Variants in FKBP15 observed in about 807,000 individuals in gnomAD.
The protein encoded by FKBP15 is FKBP prolyl isomerase family member 15.
Under a neutral mutation model 158.1 loss-of-function variants are expected in FKBP15, and 106 were observed. The ratio of observed to expected loss-of-function variants is 0.67; its 90% CI spans 0.57 to 0.79. The LOEUF is 0.79. Ranked by LOEUF, FKBP15 falls within the 30% of genes least tolerant of loss-of-function variation. The probability of loss-of-function intolerance (pLI) is 0.00; values close to 1 mark genes in which losing one functional copy is unlikely to be tolerated. For missense variants in FKBP15, 1,287 were observed against 1,479.1 expected (o/e 0.87, Z 2.13); for synonymous variants, 547 against 548.6 (o/e 1.00, Z 0.04).
chr9:113,193,193 T>A (rs183052990), intron 11 of FKBP15, among the ~76,000 whole-genome samples: 3 of 152,322 alleles, frequency 2.0e-5, no homozygotes, highest in African/African-American at 7.2e-5. Context: ...GAGGCTAACT[T>A]ACACTGACTC....
intron 24 of FKBP15, 123 bp from the exon 25 acceptor site, chr9:113,170,752 G>A: frequency 2.8e-6 from 2 of 725,742 alleles, no homozygotes; most frequent in Non-Finnish European, 4.9e-6. Context: ...GATACTGCTG[G>A]TCATAAGCAG....
intron 2 of FKBP15, among the ~76,000 whole-genome samples, chr9:113,208,318 T>G (rs1407936178): frequency 1.3e-5 from 2 of 151,558 alleles, no homozygotes; most frequent in Non-Finnish European, 2.9e-5. Flanking sequence ...GCCTGGGTGA[T>G]GGAATGAGAC....
chr9:113,169,886 A>G lies in FKBP15; in HGVS notation c.2823T>C (p.Ser941=). Residue 941 remains serine, a synonymous_variant, in exon 26 of 28, where the codon AGT becomes AGC. Coordinates refer to ENST00000238256, the MANE Select transcript of FKBP15 (RefSeq NM_015258.2). ...CTTCTGCTTTTTCTTCTTCTTCTTC[A>G]CTGCTGCTCTCTTCCTTCTCTTGCT... is the stretch of plus-strand genomic sequence containing the variant. ...QQEQEKEESS[S]EEEEEKAEER... 6.6e-7 allele frequency: 1 copy of G among 1,504,672 alleles called. No homozygotes were observed. Among genetic ancestry groups the G allele is most frequent in the Non-Finnish European group, 9.0e-7 (1 of 1,111,288 alleles). 93.2% of individuals were successfully genotyped at this position (1,504,672 alleles called of 1,614,324 possible).
rs2118895922 is a variant in FKBP15 at position 113,187,818 on chromosome 9, A to G, written c.1358T>C (p.Val453Ala). The G allele has an allele frequency of 1.2e-6, 2 of 1,613,904 alleles. No individual in the cohort carries two copies. The highest frequency in any genetic ancestry group is 1.7e-6 in the Non-Finnish European group (2 of 1,179,768). ...CTGAAAGGATTGGGCATTTCCAGAT[A>G]CAGCTGAGTGGGAATCGAGAGATGA... ...QVSSLDSHSA[V>A]SGNAQSFQPY... Residue 453 changes from valine (V) to alanine (A), a missense_variant, in exon 14 of 28, where the codon GTA becomes GCA. By Grantham distance (64) the Val-to-Ala change is moderately conservative. Coordinates refer to ENST00000238256, the MANE Select transcript of FKBP15 (RefSeq NM_015258.2).
intron 23 of FKBP15, 82 bp downstream of exon 23, chr9:113,173,371 A>G: frequency 1.4e-6 from 2 of 1,457,166 alleles, no homozygotes; most frequent in Non-Finnish European, 1.9e-6. Context: ...TCAGGCTTAG[A>G]AGGATCGACA....
chr9:113,190,361 C>T, intron 12 of FKBP15, 110 bp downstream of exon 12: 4 of 870,148 alleles, frequency 4.6e-6, no homozygotes, highest in Non-Finnish European at 7.3e-6. Context: ...CATATTAGCT[C>T]TCTAAATAAT....
At chr9:113,214,729 TA>T (rs1831083721) in intron 1 of FKBP15, among the ~76,000 whole-genome samples, 1 of 152,268 alleles carries the variant, frequency 6.6e-6, no homozygotes, top group African/African-American at 2.4e-5. Context: ...ATGAAAGTCC[TA>T]GATCTTCTTC....
intron 4 of FKBP15, among the ~76,000 whole-genome samples, chr9:113,204,271 G>A (rs1440347099): frequency 1.3e-5 from 2 of 152,120 alleles, no homozygotes; most frequent in Admixed American, 1.3e-4. Context: ...GTAGACACGG[G>A]GTTTCTCCAT....
chr9:113,193,637 T>C, intron 10 of FKBP15, 88 bp from the exon 11 acceptor site: 2 of 1,090,968 alleles, frequency 1.8e-6, no homozygotes, highest in South Asian at 1.3e-5. Flanking sequence ...ATTGTTTTTT[T>C]AAATGTGTGC....
chr9:113,189,708 A>G (rs868422838), intron 12 of FKBP15, among the ~76,000 whole-genome samples: 7 of 152,316 alleles, frequency 4.6e-5, no homozygotes, highest in African/African-American at 1.7e-4. Flanking sequence ...GTTTTCTATC[A>G]AAGTAAAAGA....
In FKBP15 at chr9:113,186,291, G is replaced by A. The variant is rs1444722820; in HGVS notation, c.1456C>T (p.Pro486Ser). 6.4e-7 allele frequency: 1 copy of A among 1,570,576 alleles called. No individual in the cohort carries two copies. Among genetic ancestry groups the A allele is most frequent in the African/African-American group, 1.3e-5 (1 of 74,154 alleles). ...TGAGAGAGCGGTGCTGGGTACAAAG[G>A]CCGAACGGGCTGCAGCTGGGAGGTG... is the stretch of plus-strand genomic sequence containing the variant. ...AVTSQLQPVR[P>S]LYPAPLSQPP... Residue 486 changes from proline to serine, a missense_variant, in exon 15 of 28, where the codon CCT becomes TCT. Transcript: ENST00000238256.
Position 113,169,471 on chromosome 9 carries a change from C to T in FKBP15, c.3238G>A (p.Val1080Ile). The T allele has an allele frequency of 6.2e-7, 1 of 1,614,050 alleles. No homozygotes were observed. Among genetic ancestry groups the T allele is most frequent in the Admixed American group, 1.7e-5 (1 of 60,038 alleles). Residue 1080 changes from valine (V) to isoleucine (I), a missense_variant, in exon 26 of 28, where the codon GTC (valine) becomes ATC (isoleucine). Transcript: ENST00000238256. Reference protein sequence around the residue: ...KPDNPSGKVCVREVAPDGPLQ... With the variant: ...KPDNPSGKVCIREVAPDGPLQ... Reference sequence around the variant, plus strand: ...GGGCCATCTGGTGCTACTTCCCTGACACAGACCTTTCCTGATGGGTTGTCG... The same window carrying T: ...GGGCCATCTGGTGCTACTTCCCTGATACAGACCTTTCCTGATGGGTTGTCG...
chr9:113,215,023 T>C (rs948310507), intron 1 of FKBP15, among the ~76,000 whole-genome samples: 1 of 152,250 alleles, frequency 6.6e-6, no homozygotes, highest in Non-Finnish European at 1.5e-5. Flanking sequence ...TTAAGGAAAT[T>C]TGTGACTGGT....
chr9:113,184,235 A>G lies in FKBP15; in HGVS notation c.1716+57T>C. 1 of 1,216,590 alleles carries G rather than the reference A, an allele frequency of 8.2e-7. No homozygotes were observed. Among genetic ancestry groups the G allele is most frequent in the South Asian group, 1.3e-5 (1 of 76,964 alleles). 75.4% of individuals were successfully genotyped at this position (1,216,590 alleles called of 1,614,324 possible). A position where few individuals can be genotyped will look rare whatever the true frequency, so the allele number is the denominator to read the frequency against. ...GAGGTGTTAAAGAGTAGTACCTCTG[A>G]GAAGAGAGGATGGGTAAGACCTTCA... On this transcript the variant is annotated intron_variant, in intron 17 of 27. Coordinates refer to ENST00000238256, the MANE Select transcript of FKBP15 (RefSeq NM_015258.2). This position sits in a 1 kb window ranked among gnomAD's most constrained non-coding sequence, Gnocchi z 4.5.
At chr9:113,205,132 T>G (rs1022071304) in intron 4 of FKBP15, among the ~76,000 whole-genome samples, 14 of 152,184 alleles carry the variant, frequency 9.2e-5, no homozygotes, top group Admixed American at 9.2e-4. Context: ...TGGTAATGGA[T>G]TCTCAGATAA....
In FKBP15 at chr9:113,173,521, G is replaced by T; in HGVS notation, c.2464C>A (p.Gln822Lys). Residue 822 changes from glutamine (Q) to lysine (K), a missense_variant, in exon 23 of 28, where the codon CAG (glutamine) becomes AAG (lysine). Gln to Lys is a moderately conservative substitution (Grantham distance 53). Coordinates refer to ENST00000238256, the MANE Select transcript of FKBP15 (RefSeq NM_015258.2). Reference sequence around the variant, plus strand: ...TGTGCGCACACCTCCTGGTACTGCTGCAGGTGCTCATCCTTGGCGGAGGCC... The same window carrying T: ...TGTGCGCACACCTCCTGGTACTGCTTCAGGTGCTCATCCTTGGCGGAGGCC... ...LLASAKDEHL[Q>K]QYQEVCAQRD... is the part of the protein sequence containing the mutation. The T allele has an allele frequency of 6.2e-7, 1 of 1,613,972 alleles. No individual in the cohort carries two copies. Among genetic ancestry groups the T allele is most frequent in the Non-Finnish European group, 8.5e-7 (1 of 1,179,890 alleles).
chr9:113,217,996 A>G (rs375298921), intron 1 of FKBP15, among the ~76,000 whole-genome samples: 1 of 152,296 alleles, frequency 6.6e-6, no homozygotes, highest in East Asian at 1.9e-4. Context: ...AAGTCATGAC[A>G]GAATTAACTA....
At position 113,187,856 on chromosome 9, in the gene FKBP15, G is replaced by A; in HGVS notation, c.1320C>T (p.Ala440=). The A allele has an allele frequency of 6.2e-7, 1 of 1,613,984 alleles. No individual in the cohort carries two copies. The change falls in exon 14 of 28, where the codon GCC becomes GCT. Residue 440 remains alanine (A), a synonymous_variant. Transcript: ENST00000238256. ...SVTGLQAPSA[A]LMQVSSLDSH... is the part of the protein sequence containing the mutation. ...AATCGAGAGATGACACTTGCATTAA[G>A]GCAGCAGAAGGTGCCTGGAGCCCAG...
chr9:113,166,168 G>A lies in FKBP15; in HGVS notation c.3583-13C>T, dbSNP rs1246610113. On this transcript the variant is annotated splice_polypyrimidine_tract_variant and intron_variant, in intron 27 of 27. Transcript: ENST00000238256. ...GTCCCTTCATGCTCTGATAAAACAG[G>A]AAAGAGCAGTCAGTCCTCACTTGTG... The A allele has an allele frequency of 6.2e-7, 1 of 1,607,810 alleles. No homozygotes were observed. The highest frequency in any genetic ancestry group is 8.5e-7 in the Non-Finnish European group (1 of 1,176,626).
Sources: gnomAD v4.1 joint callset for allele counts (sites outside exome capture counted in the v4.1 genomes callset) on GRCh38, gnomAD v4.1.1 for gene constraint, Gnocchi (gnomAD v3.1) non-coding constraint, MANE v1.5 for transcripts, NCBI Gene and HGNC (gene_info 2026-07-23, HGNC 2026-07-21) for gene names.